The following EVC2 variants were observed in gnomAD, a reference collection of about 807,000 sequenced individuals.
EVC2 encodes the protein EvC ciliary complex subunit 2.
In EVC2, 148 loss-of-function variants were observed where a neutral mutation model predicts 149.3. That is an observed-to-expected ratio of 0.99 (90% CI 0.87 to 1.14). The LOEUF (loss-of-function observed/expected upper bound fraction) is 1.14, where lower values mean the gene tolerates loss of function less well. Among genes scored for constraint, EVC2 ranks in the 50% most tolerant of loss-of-function variants. EVC2 has a pLI of 0.00. For missense variants in EVC2, 1,854 were observed against 1,627.3 expected (o/e 1.14, Z -2.40); for synonymous variants, 776 against 649.9 (o/e 1.19, Z -2.95).
chr4:5,536,198 T>C, the EVC2 span, among the ~76,000 whole-genome samples: 20 of 152,130 alleles, frequency 1.3e-4, no homozygotes, highest in African/African-American at 4.8e-4. Context: ...TGCAAATATA[T>C]TTATAAGATA....
At chr4:5,550,964 C>A (rs1721724644) in intron 21 of EVC2, among the ~76,000 whole-genome samples, 1 of 152,180 alleles carries the variant, frequency 6.6e-6, no homozygotes, top group South Asian at 2.1e-4. Flanking sequence ...GCACAGAAGT[C>A]AAAAATTGTG....
At chr4:5,608,023 G>T (rs779588354) in intron 16 of EVC2, among the ~76,000 whole-genome samples, 6 of 152,042 alleles carry the variant, frequency 3.9e-5, no homozygotes, top group Non-Finnish European at 8.8e-5. Context: ...GCTCCCTGCA[G>T]TCCCAGCCAC....
rs779884599 is a variant in EVC2 at position 5,576,334 on chromosome 4, C to G, written c.3178G>C (p.Glu1060Gln). Residue 1060 changes from glutamate (E) to glutamine (Q), a missense_variant, in exon 18 of 22, where the codon GAA becomes CAA. Transcript: ENST00000344408. This position sits in a 1 kb window ranked among gnomAD's most constrained non-coding sequence, Gnocchi z 4.5. ...WVADGPGILN[E>Q]PGEVDSERQV... Reference sequence around the variant, plus strand: ...CTTTCAGAATCCACCTCCCCAGGTTCGTTCAGAATCCCGGGCCCATCGGCC... The same window carrying G: ...CTTTCAGAATCCACCTCCCCAGGTTGGTTCAGAATCCCGGGCCCATCGGCC... 6.2e-7 allele frequency: 1 copy of G among 1,614,096 alleles called. No individual in the cohort carries two copies. Among genetic ancestry groups the G allele is most frequent in the African/African-American group, 1.3e-5 (1 of 74,924 alleles).
At chr4:5,599,075 G>A (rs1375682738) in intron 16 of EVC2, among the ~76,000 whole-genome samples, 1 of 152,014 alleles carries the variant, frequency 6.6e-6, no homozygotes, top group Non-Finnish European at 1.5e-5. Flanking sequence ...GAAACAATAG[G>A]TGCTGGAGAG....
Position 5,562,661 on chromosome 4 carries a change from G to C in EVC2, c.*187C>G. The C allele has an allele frequency of 2.1e-6, 3 of 1,459,304 alleles. No homozygotes were observed. Among genetic ancestry groups the C allele is most frequent in the Non-Finnish European group, 1.8e-6 (2 of 1,112,282 alleles). 90.4% of individuals were successfully genotyped at this position (1,459,304 alleles called of 1,614,324 possible). ...GTCCTTGTGATATGGAAGAGAGTGG[G>C]CCATCTGGAAATTCATGAGACAAGA... On this transcript the variant is annotated 3_prime_UTR_variant, in exon 22 of 22. Coordinates refer to ENST00000344408, the MANE Select transcript of EVC2 (RefSeq NM_147127.5). This position sits in a 1 kb window ranked among gnomAD's most constrained non-coding sequence, Gnocchi z 4.3.
At chr4:5,646,145 G>T (rs1717694061) in intron 9 of EVC2, among the ~76,000 whole-genome samples, 1 of 152,094 alleles carries the variant, frequency 6.6e-6, no homozygotes, top group Admixed American at 6.6e-5. Flanking sequence ...TGGTCAGGCT[G>T]GTCTCGAACT....
intron 16 of EVC2, among the ~76,000 whole-genome samples, chr4:5,611,433 G>T (rs1283498017): frequency 6.6e-6 from 1 of 152,022 alleles, no homozygotes; most frequent in Non-Finnish European, 1.5e-5. Context: ...AGTGTACTAA[G>T]CCTATTTAAT....
chr4:5,548,497 T>A (rs952590562), intron 21 of EVC2, among the ~76,000 whole-genome samples: 4 of 151,484 alleles, frequency 2.6e-5, no homozygotes, highest in Admixed American at 2.0e-4. Flanking sequence ...GTGAGGAAAT[T>A]AAACACATAT....
upstream of EVC2, chr4:5,709,328 C>A (rs1221309779): frequency 1.3e-5 from 2 of 152,274 alleles, no homozygotes; most frequent in Non-Finnish European, 2.9e-5. Context: ...TTCCTCATCC[C>A]TGCCTAGGTC....
chr4:5,641,005 T>C (rs1717289220), intron 9 of EVC2, among the ~76,000 whole-genome samples, 167 bp from the exon 10 acceptor site: 1 of 152,172 alleles, frequency 6.6e-6, no homozygotes, highest in Non-Finnish European at 1.5e-5. Context: ...TTGAAGGCCA[T>C]TAGCTGACTC....
chr4:5,592,326 T>G (rs1373860199), intron 16 of EVC2, among the ~76,000 whole-genome samples: 1 of 152,172 alleles, frequency 6.6e-6, no homozygotes, highest in Non-Finnish European at 1.5e-5. Context: ...TAATCACAAA[T>G]GCCCTCCTTG....
chr4:5,663,184 C>T lies in EVC2; in HGVS notation c.1068G>A (p.Glu356=). 6.2e-7 allele frequency: 1 copy of T among 1,614,166 alleles called. No individual in the cohort carries two copies. The highest frequency in any genetic ancestry group is 8.5e-7 in the Non-Finnish European group (1 of 1,180,024). The change falls in exon 9 of 22, where the codon GAG becomes GAA. Residue 356 remains glutamate, a synonymous_variant. Transcript: ENST00000344408. ...LPFTSADGVN[E]DLSLNDQMID... is the part of the protein sequence containing the mutation. Reference sequence around the variant, plus strand: ...TCATTTGGTCGTTAAGGGAAAGGTCCTCATTCACGCCATCAGCTGAGGTGA... The same window carrying T: ...TCATTTGGTCGTTAAGGGAAAGGTCTTCATTCACGCCATCAGCTGAGGTGA...
At chr4:5,683,490 C>T (rs1264700884) in intron 6 of EVC2, among the ~76,000 whole-genome samples, 3 of 152,204 alleles carry the variant, frequency 2.0e-5, no homozygotes, top group African/African-American at 7.2e-5. Flanking sequence ...CACAATGTTA[C>T]TGAGCACCTA....
At chr4:5,555,040 GTGTC>G (rs1203654535) in intron 21 of EVC2, among the ~76,000 whole-genome samples, 6 of 135,934 alleles carry the variant, frequency 4.4e-5, no homozygotes, top group South Asian at 2.6e-4. Context: ...GTGTGTGTGT[GTGTC>G]TCTGCACATG....
rs541802146 is a variant in EVC2, at chr4:5,675,892, C to T, written c.870+5368G>A. 1.5e-3 allele frequency among the ~76,000 whole-genome samples: 229 copies of T among 152,236 alleles called. 1 individual carries two copies. Among genetic ancestry groups the T allele is most frequent in the African/African-American group, 4.9e-3 (205 of 41,534 alleles). Reference sequence around the variant, plus strand: ...CCAGGAGGCAGAGGTTGCCGTGAGCCGAGATCGCGCCATTGCACTTCAGCC... The same window carrying T: ...CCAGGAGGCAGAGGTTGCCGTGAGCTGAGATCGCGCCATTGCACTTCAGCC... On this transcript the variant is annotated intron_variant, in intron 7 of 21. Coordinates refer to ENST00000344408, the MANE Select transcript of EVC2 (RefSeq NM_147127.5).
chr4:5,688,566 C>T (rs1244623677), intron 5 of EVC2, among the ~76,000 whole-genome samples: 2 of 152,158 alleles, frequency 1.3e-5, no homozygotes, highest in Non-Finnish European at 2.9e-5. Context: ...CTTAAACCTG[C>T]TTAATTGACC....
rs1269674823 is a variant in EVC2 at position 5,597,552 on chromosome 4, T to A, written c.2830-12702A>T. On this transcript the variant is annotated intron_variant, in intron 16 of 21. Transcript: ENST00000344408. ...CTAAAAACTCTCAATAAATTAGGTA[T>A]TGATGGGACATATCTCAAAATAATA... Among the ~76,000 whole-genome samples the A allele has an allele frequency of 4.0e-5, 6 of 151,458 alleles. No individual in the cohort carries two copies. The East Asian group carries it at 7.9e-4, about 20-fold the overall frequency.
At chr4:5,531,457 C>T in the EVC2 span, among the ~76,000 whole-genome samples, 1 of 152,288 alleles carries the variant, frequency 6.6e-6, no homozygotes, top group South Asian at 2.1e-4. Context: ...CTGGGCCATA[C>T]AACAGGAGGT....
At chr4:5,559,495 C>T (rs1273701866), downstream of EVC2, among the ~76,000 whole-genome samples, 1 of 152,136 alleles carries the variant, frequency 6.6e-6, no homozygotes. This position sits in a 1 kb window ranked among gnomAD's most constrained non-coding sequence, Gnocchi z 5.0. Flanking sequence ...AATCAGACTC[C>T]TTGGAGAAAT....
Sources: gnomAD v4.1 joint callset for allele counts (sites outside exome capture counted in the v4.1 genomes callset) on GRCh38, gnomAD v4.1.1 for gene constraint, Gnocchi (gnomAD v3.1) non-coding constraint, MANE v1.5 for transcripts, NCBI Gene and HGNC (gene_info 2026-07-23, HGNC 2026-07-21) for gene names.